FAM13A: variants seen among roughly 807,000 people sequenced by gnomAD.
FAM13A encodes the protein protein FAM13A.
In FAM13A, 76 loss-of-function variants were observed where a neutral mutation model predicts 129.6. That is an observed-to-expected ratio of 0.59 (90% CI 0.49 to 0.71). The LOEUF (loss-of-function observed/expected upper bound fraction) is 0.71. Among genes scored for constraint, FAM13A ranks in the 30% least tolerant of loss-of-function variants. The pLI is 0.00. For synonymous variants in FAM13A, 443 were observed against 449.9 expected, an observed-to-expected ratio of 0.98 and a Z score of 0.20; for missense variants, 1,108 against 1,249.3, an observed-to-expected ratio of 0.89 and a Z score of 1.70.
intron 6 of FAM13A, among the ~76,000 whole-genome samples, chr4:88,876,748 C>A (rs181913233): frequency 6.6e-6 from 1 of 152,072 alleles, no homozygotes; most frequent in African/African-American, 2.4e-5. Flanking sequence ...CCTGCCACCA[C>A]GCCCAGCTAA....
intron 6 of FAM13A, among the ~76,000 whole-genome samples, chr4:88,892,717 C>T (rs1745560075): frequency 6.6e-6 from 1 of 151,928 alleles, no homozygotes; most frequent in African/African-American, 2.4e-5. Context: ...ATGCTATCAC[C>T]GCTTTTACCT....
At chr4:88,854,217 C>A (rs956180663) in intron 6 of FAM13A, among the ~76,000 whole-genome samples, 1 of 152,168 alleles carries the variant, frequency 6.6e-6, no homozygotes. Context: ...AAAACATATT[C>A]TAATCGAGGG....
chr4:89,048,475 G>A (rs1175866114), intron 1 of FAM13A, among the ~76,000 whole-genome samples: 1 of 152,078 alleles, frequency 6.6e-6, no homozygotes, highest in East Asian at 1.9e-4. Context: ...GGGGAGGGAT[G>A]GTGGGAATGT....
chr4:89,021,872 GAA>G lies in FAM13A; in HGVS notation c.218-1205_218-1204del, dbSNP rs33967932. ...AAAGTTTTGAAAAGTAGGAATACAGGAAAAAAAAAACACTGTAAAAGATAAGA... is the reference window on the plus strand; with the variant it reads ...AAAGTTTTGAAAAGTAGGAATACAGGAAAAAAAACACTGTAAAAGATAAGA... On this transcript the variant is annotated intron_variant, in intron 2 of 23. Coordinates refer to ENST00000264344, the MANE Select transcript of FAM13A (RefSeq NM_014883.4). 7.3e-5 allele frequency among the ~76,000 whole-genome samples: 11 copies of G among 150,492 alleles called. No individual in the cohort carries two copies. In the South Asian group the frequency reaches 1.0e-3, roughly 14 times the overall value.
intron 6 of FAM13A, among the ~76,000 whole-genome samples, chr4:88,851,911 C>T (rs1023738348): frequency 1.3e-5 from 2 of 152,124 alleles, no homozygotes; most frequent in Non-Finnish European, 2.9e-5. Context: ...TGAATACAAT[C>T]AATATTCTTT....
intron 6 of FAM13A, 141 bp from the exon 7 acceptor site, chr4:88,851,324 ATTAAAT>A (rs1333638000): frequency 2.9e-6 from 2 of 683,824 alleles, no homozygotes; most frequent in Non-Finnish European, 4.7e-6. Context: ...CAAGCTAAAA[ATTAAAT>A]TTAAACTACA....
intron 7 of FAM13A, among the ~76,000 whole-genome samples, chr4:88,846,634 C>T (rs866430585): frequency 2.0e-5 from 3 of 152,242 alleles, no homozygotes; most frequent in African/African-American, 7.2e-5. Flanking sequence ...TATCCCTCCT[C>T]ACTCCAACTT....
In FAM13A at chr4:88,732,059, T is replaced by A; in HGVS notation, c.2786A>T (p.Lys929Ile). 2 of 1,614,028 alleles carry A rather than the reference T, an allele frequency of 1.2e-6. No homozygotes were observed. The highest frequency in any genetic ancestry group is 1.7e-6 in the Non-Finnish European group (2 of 1,179,924). The change falls in exon 22 of 24, where the codon AAA becomes ATA. Residue 929 changes from lysine (K) to isoleucine (I), a missense_variant. Lys to Ile is a moderately radical substitution (Grantham distance 102, BLOSUM62 -3). This residue lies in a region of FAM13A where 529 missense variants were observed against 621.2 expected (regional missense o/e 0.85). Coordinates refer to ENST00000264344, the MANE Select transcript of FAM13A (RefSeq NM_014883.4). ...GTCCTGGCTGCATTTTGATGGTATT[T>A]TATCATCCATTGGGGAAATAAATCC... is the stretch of plus-strand genomic sequence containing the variant. ...ADGFISPMDD[K>I]IPSKCSQDTG...
chr4:88,925,532 A>T (rs1230906314), intron 5 of FAM13A, among the ~76,000 whole-genome samples: 1 of 125,454 alleles, frequency 8.0e-6, no homozygotes, highest in Non-Finnish European at 1.6e-5. Flanking sequence ...AGGAAGGGGA[A>T]CATCACACTC....
At chr4:88,882,389 T>A (rs1247717366) in intron 6 of FAM13A, among the ~76,000 whole-genome samples, 2 of 152,076 alleles carry the variant, frequency 1.3e-5, no homozygotes, top group African/African-American at 2.4e-5. Context: ...CTAAGCTTCA[T>A]AAAGGAAGGA....
intron 5 of FAM13A, among the ~76,000 whole-genome samples, chr4:88,910,883 C>T (rs796598030): frequency 4.6e-5 from 7 of 152,168 alleles, no homozygotes; most frequent in African/African-American, 1.2e-4. Flanking sequence ...CTCTTGACCT[C>T]GTGATCTGCC....
rs541022353 is a variant in FAM13A, at chr4:88,956,563, T to C, written c.606-18322A>G. Among the ~76,000 whole-genome samples, 104 of 152,350 alleles carry C rather than the reference T, an allele frequency of 6.8e-4. 1 individual carries two copies. The highest frequency in any genetic ancestry group is 2.4e-3 in the African/African-American group (100 of 41,588). The stretch of plus-strand genomic sequence containing the variant: ...TTAAGGAATTTATCCAAGGTCACTA[T>C]ACTAGATTTCTATTACTGATATAAC... On this transcript the variant is annotated intron_variant, in intron 4 of 23. Coordinates refer to ENST00000264344, the MANE Select transcript of FAM13A (RefSeq NM_014883.4).
chr4:88,877,907 AT>A (rs776608186), intron 6 of FAM13A, among the ~76,000 whole-genome samples: 16 of 152,104 alleles, frequency 1.1e-4, no homozygotes, highest in Non-Finnish European at 2.1e-4. Flanking sequence ...TTCTGAGTTT[AT>A]TTAGTGAAAT....
chr4:89,028,677 C>A (rs977699785), intron 2 of FAM13A, among the ~76,000 whole-genome samples: 4 of 151,070 alleles, frequency 2.6e-5, no homozygotes, highest in Non-Finnish European at 5.9e-5. Context: ...GGTAACAGAG[C>A]AAGACCCTAT....
chr4:88,731,770 T>C, intron 22 of FAM13A: 1 of 531,044 alleles, frequency 1.9e-6, no homozygotes, highest in South Asian at 3.0e-5. Context: ...CACGATGCCC[T>C]TTAGAGAGAG....
At chr4:88,927,995 C>T (rs544429635) in intron 5 of FAM13A, among the ~76,000 whole-genome samples, 150 of 152,080 alleles carry the variant, frequency 9.9e-4, no homozygotes, top group Non-Finnish European at 1.7e-3. Context: ...AAACTTCCCT[C>T]TTAACACTAT....
Position 88,997,569 on chromosome 4 carries a change from TTATA to T in FAM13A, c.428-6423_428-6420del, listed in dbSNP as rs1560721232. Among the ~76,000 whole-genome samples, 13 of 37,480 alleles carry T rather than the reference TTATA, an allele frequency of 3.5e-4. No homozygotes were observed. In the East Asian group the frequency reaches 0.012, roughly 33 times the overall value. The allele number at this position is 37,480 out of a possible 152,430, so 24.6% of individuals were successfully genotyped here. On this transcript the variant is annotated intron_variant, in intron 3 of 23. Transcript: ENST00000264344. ...TTTGCTCTCACTAAAAAAAAAAAAA[TTATA>T]ATTATAATCAGCAATGCTATACCTG... is the stretch of plus-strand genomic sequence containing the variant.
At chr4:88,982,058 T>C (rs1439280636) in intron 4 of FAM13A, among the ~76,000 whole-genome samples, 1 of 152,130 alleles carries the variant, frequency 6.6e-6, no homozygotes, top group Admixed American at 6.6e-5. Flanking sequence ...AGGAGAAAGG[T>C]CCAAGCCTGG....
chr4:88,816,100 T>C (rs1238597801), intron 7 of FAM13A, among the ~76,000 whole-genome samples: 2 of 152,058 alleles, frequency 1.3e-5, no homozygotes, highest in Admixed American at 1.3e-4. Flanking sequence ...CTCTCTATCA[T>C]TATATAAGAA....
Sources: gnomAD v4.1 joint callset for allele counts (sites outside exome capture counted in the v4.1 genomes callset) on GRCh38, gnomAD v4.1.1 for gene constraint, gnomAD v4.1.1 regional missense constraint, MANE v1.5 for transcripts, NCBI Gene and HGNC (gene_info 2026-07-23, HGNC 2026-07-21) for gene names.